The following EMSY variants were observed in gnomAD, a reference collection of about 807,000 sequenced individuals.
The protein encoded by EMSY is EMSY transcriptional repressor, BRCA2 interacting.
A neutral mutation model predicts 134.6 loss-of-function variants in EMSY; 26 were observed. The ratio of observed to expected loss-of-function variants is 0.19; its 90% confidence interval spans 0.14 to 0.27. The LOEUF (loss-of-function observed/expected upper bound fraction) is 0.27. Among genes scored for constraint, EMSY ranks in the 10% least tolerant of loss-of-function variants. The pLI is 1.00. For synonymous variants in EMSY, 579 were observed against 577.8 expected (o/e 1.00, Z -0.03); for missense variants, 1,305 against 1,611.4 (o/e 0.81, Z 3.26).
intron 17 of EMSY, among the ~76,000 whole-genome samples, chr11:76,541,430 CTTTATAG>C (rs1951436375): frequency 6.6e-6 from 1 of 152,150 alleles, no homozygotes; most frequent in African/African-American, 2.4e-5. Flanking sequence ...TTGTTTAGTA[CTTTATAG>C]TTTAAGGACA....
intron 14 of EMSY, among the ~76,000 whole-genome samples, chr11:76,535,572 T>A (rs1028660611): frequency 1.3e-5 from 2 of 152,192 alleles, no homozygotes; most frequent in Non-Finnish European, 2.9e-5. Context: ...TTTTTACATG[T>A]CCGTCTCCCC....
chr11:76,546,117 G>T (rs761026121), exon 20 of EMSY: 1 of 1,614,026 alleles, frequency 6.2e-7, no homozygotes, highest in Non-Finnish European at 8.5e-7. Context: ...CAGGGATGGC[G>T]AATTCCACTC....
chr11:76,534,313 A>G (rs528236568), intron 14 of EMSY, among the ~76,000 whole-genome samples: 8 of 152,318 alleles, frequency 5.3e-5, no homozygotes, highest in Admixed American at 1.3e-4. Flanking sequence ...TCTTAAGTTT[A>G]AATTCTACAT....
exon 19 of EMSY, chr11:76,544,600 T>C (rs769524778): frequency 1.3e-5 from 21 of 1,613,916 alleles, no homozygotes; most frequent in Non-Finnish European, 1.5e-5. Context: ...CCAAGCCAGA[T>C]GTACAGCACA....
chr11:76,534,852 T>C (rs1951170512), intron 14 of EMSY, among the ~76,000 whole-genome samples: 1 of 152,184 alleles, frequency 6.6e-6, no homozygotes, highest in South Asian at 2.1e-4. Context: ...CATGCCTTTA[T>C]GTCCTCCACA....
intron 7 of EMSY, among the ~76,000 whole-genome samples, chr11:76,464,952 G>A (rs576916068): frequency 9.2e-5 from 14 of 152,170 alleles, no homozygotes; most frequent in Non-Finnish European, 2.1e-4. Context: ...TTGATTTTGG[G>A]AAGTCCAGTA....
chr11:76,507,683 T>C (rs954070358), intron 9 of EMSY, among the ~76,000 whole-genome samples: 15 of 152,248 alleles, frequency 9.9e-5, no homozygotes, highest in South Asian at 4.1e-4. Flanking sequence ...GGAATCCACC[T>C]CTTCCAAGCT....
exon 2 of EMSY, chr11:76,446,933 G>C: frequency 6.2e-7 from 1 of 1,612,180 alleles, no homozygotes; most frequent in Non-Finnish European, 8.5e-7. Flanking sequence ...CCAAACAGAA[G>C]CAGCAATGCC....
intron 14 of EMSY, among the ~76,000 whole-genome samples, chr11:76,534,985 G>A (rs1263655975): frequency 2.6e-5 from 4 of 152,054 alleles, no homozygotes; most frequent in African/African-American, 9.7e-5. Context: ...TGCACATTTA[G>A]TATTTATATG....
At chr11:76,464,032 A>T in exon 7 of EMSY, 1 of 1,614,226 alleles carries the variant, frequency 6.2e-7, no homozygotes, top group Non-Finnish European at 8.5e-7. Flanking sequence ...CTGTAAAAAT[A>T]ACCTTCACTA....
At chr11:76,496,747 C>T (rs1383560679) in intron 9 of EMSY, 2 of 429,762 alleles carry the variant, frequency 4.7e-6, no homozygotes, top group Non-Finnish European at 8.6e-6. Context: ...GATCTTGTAT[C>T]CTTTGACCTT....
chr11:76,472,769 T>C lies in EMSY; in HGVS notation c.1037T>C (p.Ile346Thr), dbSNP rs772428940. 2.5e-6 allele frequency: 4 copies of C among 1,614,060 alleles called. No homozygotes were observed. The East Asian group carries it at 6.7e-5, about 27-fold the overall frequency. The change falls in exon 8 of 21, where the codon ATT (isoleucine) becomes ACT (threonine). Residue 346 changes from isoleucine (I) to threonine (T), a missense_variant. Ile to Thr is a moderately conservative substitution (Grantham distance 89). Transcript: ENST00000334736. ...AGCAGCAGTTCTACACCATCACCTA[T>C]TCCTAATACAGTTGCAGTAACAGCT...
At chr11:76,450,822 C>G (rs939506511) in intron 2 of EMSY, among the ~76,000 whole-genome samples, 1 of 136,132 alleles carries the variant, frequency 7.3e-6, no homozygotes, top group African/African-American at 2.8e-5. Flanking sequence ...AAGACAGGAT[C>G]TCGCTCAGTT....
At chr11:76,500,358 TA>T (rs1312922931) in intron 9 of EMSY, among the ~76,000 whole-genome samples, 1 of 152,312 alleles carries the variant, frequency 6.6e-6, no homozygotes, top group African/African-American at 2.4e-5. Flanking sequence ...TAACTCCATT[TA>T]TACCAGAGCA....
At chr11:76,468,156 A>G (rs1328659240) in intron 7 of EMSY, among the ~76,000 whole-genome samples, 1 of 151,998 alleles carries the variant, frequency 6.6e-6, no homozygotes, top group Admixed American at 6.6e-5. Context: ...ACTTTACCAT[A>G]TATTTATTTT....
chr11:76,456,453 A>G (rs1436997742), intron 4 of EMSY, among the ~76,000 whole-genome samples: 2 of 150,244 alleles, frequency 1.3e-5, no homozygotes, highest in East Asian at 4.0e-4. Flanking sequence ...TGTAGATGTC[A>G]CTTAATTTGT....
At chr11:76,478,979 T>C (rs545448787) in intron 8 of EMSY, among the ~76,000 whole-genome samples, 111 of 152,198 alleles carry the variant, frequency 7.3e-4, no homozygotes, top group Middle Eastern at 3.4e-3. Context: ...AATAGAAGAA[T>C]TGGAATTTTT....
chr11:76,515,207 G>A (rs201417040), intron 10 of EMSY, among the ~76,000 whole-genome samples: 1 of 80,102 alleles, frequency 1.2e-5, no homozygotes, highest in East Asian at 8.0e-4. Flanking sequence ...GCATTTTTTT[G>A]GGGGGGGGGA....
At chr11:76,449,786 A>G (rs1947577488) in intron 2 of EMSY, among the ~76,000 whole-genome samples, 1 of 152,226 alleles carries the variant, frequency 6.6e-6, no homozygotes, top group Non-Finnish European at 1.5e-5. Flanking sequence ...TCTTTAAAAT[A>G]GTTATTTGGA....
Sources: allele counts gnomAD v4.1 joint callset (sites outside exome capture counted in the v4.1 genomes callset), GRCh38; gene constraint gnomAD v4.1.1; transcripts MANE v1.5; gene names NCBI Gene and HGNC (gene_info 2026-07-23, HGNC 2026-07-21).